The following WDR20 variants were observed in gnomAD, a reference collection of about 807,000 sequenced individuals.
WDR20 encodes WD repeat-containing protein 20.
WDR20 carries 3 observed loss-of-function variants against 38.7 expected under a neutral mutation model. The observed-to-expected ratio is 0.08, with a 90% CI of 0.04 to 0.20. WDR20 has a LOEUF of 0.20. Ranked by LOEUF, WDR20 falls within the 10% of genes least tolerant of loss-of-function variation. WDR20 has a pLI of 1.00. For missense variants in WDR20, 559 were observed against 727.7 expected (o/e 0.77, Z 2.67); for synonymous variants, 298 against 285.6 (o/e 1.04, Z -0.44).
Position 102,203,221 on chromosome 14 carries a change from C to T in WDR20, c.433-5382C>T, listed in dbSNP as rs190896335. 1.2e-3 allele frequency among the ~76,000 whole-genome samples: 184 copies of T among 152,140 alleles called. 1 individual carries two copies. The highest frequency in any genetic ancestry group is 4.2e-3 in the African/African-American group (173 of 41,494). On this transcript the variant is annotated intron_variant, in intron 2 of 2. Transcript: ENST00000342702. ...CCCAGTAGAAATACAGTGCCAGCCA[C>T]GTGTGCAAGTTTAAATTTTCTAATT...
intron 1 of WDR20, among the ~76,000 whole-genome samples, chr14:102,171,161 A>T (rs2060727533): frequency 6.6e-6 from 1 of 150,798 alleles, no homozygotes; most frequent in Admixed American, 6.6e-5. Flanking sequence ...CATGTTGGTC[A>T]GGCTGGTCTC....
chr14:102,183,339 T>C (rs2063812622), intron 1 of WDR20, among the ~76,000 whole-genome samples: 1 of 152,230 alleles, frequency 6.6e-6, no homozygotes, highest in Non-Finnish European at 1.5e-5. Flanking sequence ...AGAAGCCAAG[T>C]CAAGCATTTT....
In WDR20 at chr14:102,208,702, A is replaced by C; in HGVS notation, c.532A>C (p.Asn178His). ...AHSSGNMYLY[N>H]VEHTCGTTAP... is the part of the protein sequence containing the mutation. Reference sequence around the variant, plus strand: ...CTCGAGTGGGAACATGTACTTATATAATGTGGAGCACACTTGTGGCACCAC... The same window carrying C: ...CTCGAGTGGGAACATGTACTTATATCATGTGGAGCACACTTGTGGCACCAC... Residue 178 changes from asparagine to histidine, a missense_variant, in exon 3 of 3, where the codon AAT becomes CAT. By Grantham distance (68) the Asn-to-His change is moderately conservative. Coordinates refer to ENST00000342702, the MANE Select transcript of WDR20 (RefSeq NM_144574.4). The surrounding 1 kb of genome is among the most constrained non-coding windows in gnomAD (Gnocchi z 5.6). 6.2e-7 allele frequency: 1 copy of C among 1,614,198 alleles called. No individual in the cohort carries two copies. Among genetic ancestry groups the C allele is most frequent in the East Asian group, 2.2e-5 (1 of 44,884 alleles).
chr14:102,209,613 T>A lies in WDR20; in HGVS notation c.1443T>A (p.Asn481Lys). 6.2e-7 allele frequency: 1 copy of A among 1,614,076 alleles called. No homozygotes were observed. The highest frequency in any genetic ancestry group is 8.5e-7 in the Non-Finnish European group (1 of 1,180,018). ...ACCACGAGAAAGATCACAAGCGAAATCATAGCATGGGACACATTTCTAGCA... is the reference window on the plus strand; with the variant it reads ...ACCACGAGAAAGATCACAAGCGAAAACATAGCATGGGACACATTTCTAGCA... ...ERHHEKDHKR[N>K]HSMGHISSKS... Residue 481 changes from asparagine (N) to lysine (K), a missense_variant, in exon 3 of 3, where the codon AAT (asparagine) becomes AAA (lysine). By Grantham distance (94) the Asn-to-Lys change is moderately conservative. Coordinates refer to ENST00000342702, the MANE Select transcript of WDR20 (RefSeq NM_144574.4). This position sits in a 1 kb window ranked among gnomAD's most constrained non-coding sequence, Gnocchi z 6.0.
At chr14:102,140,243 G>T (rs1432164488) in intron 1 of WDR20, 71 bp downstream of exon 1, 1 of 1,581,932 alleles carries the variant, frequency 6.3e-7, no homozygotes. Flanking sequence ...GGTGACAGTG[G>T]GGCCAGGGTG....
chr14:102,159,616 T>C (rs1428185093), intron 1 of WDR20, among the ~76,000 whole-genome samples: 1 of 152,252 alleles, frequency 6.6e-6, no homozygotes, highest in East Asian at 1.9e-4. Flanking sequence ...GGCAGATTGC[T>C]TTATCTCAGG....
At chr14:102,146,007 TGGA>T (rs1397373193) in intron 1 of WDR20, among the ~76,000 whole-genome samples, 5 of 150,424 alleles carry the variant, frequency 3.3e-5, no homozygotes, top group African/African-American at 1.0e-4. Context: ...TTTTTTTAAA[TGGA>T]AATGGATTCA....
chr14:102,196,602 AG>A (rs1347148332), intron 2 of WDR20, among the ~76,000 whole-genome samples: 1 of 152,152 alleles, frequency 6.6e-6, no homozygotes, highest in African/African-American at 2.4e-5. Context: ...GCCCTGGCCG[AG>A]GATGGTACAG....
upstream of WDR20, chr14:102,139,678 G>T (rs972165511): frequency 5.1e-5 from 34 of 660,860 alleles, no homozygotes; most frequent in Admixed American, 2.7e-4. Context: ...CCGCCCGGAG[G>T]CCACACCCGG....
chr14:102,155,506 G>A (rs1214319722), intron 1 of WDR20, among the ~76,000 whole-genome samples: 2 of 152,134 alleles, frequency 1.3e-5, no homozygotes, highest in African/African-American at 4.8e-5. Flanking sequence ...AGAGACTCTG[G>A]GGAGAAGGGA....
intron 1 of WDR20, among the ~76,000 whole-genome samples, chr14:102,188,984 G>A (rs1314758975): frequency 1.3e-5 from 2 of 151,922 alleles, no homozygotes; most frequent in Non-Finnish European, 1.5e-5. Flanking sequence ...GGCCAAGGCA[G>A]GCAGATCACT....
At chr14:102,189,730 G>GA (rs967797936) in intron 1 of WDR20, among the ~76,000 whole-genome samples, 15 of 152,158 alleles carry the variant, frequency 9.9e-5, no homozygotes, top group Admixed American at 7.2e-4. Flanking sequence ...TCAGAAAGCT[G>GA]AAAAAAACTA....
chr14:102,206,622 C>T (rs1295812614), intron 2 of WDR20, among the ~76,000 whole-genome samples: 1 of 152,234 alleles, frequency 6.6e-6, no homozygotes, highest in Admixed American at 6.5e-5. Context: ...TTGGGAGCCA[C>T]TGTACCAAAA....
chr14:102,149,350 T>C (rs186800084), intron 1 of WDR20, among the ~76,000 whole-genome samples: 4 of 152,156 alleles, frequency 2.6e-5, no homozygotes, highest in Admixed American at 6.5e-5. Context: ...TTTATCATTA[T>C]AATACAAAGT....
intron 2 of WDR20, among the ~76,000 whole-genome samples, chr14:102,206,438 C>T (rs2061552057): frequency 6.6e-6 from 1 of 152,206 alleles, no homozygotes; most frequent in African/African-American, 2.4e-5. Context: ...TTTGAGTTCT[C>T]ATGCAGTTTT....
At chr14:102,202,599 C>CA (rs910395836) in intron 2 of WDR20, among the ~76,000 whole-genome samples, 1 of 151,928 alleles carries the variant, frequency 6.6e-6, no homozygotes, top group African/African-American at 2.4e-5. Flanking sequence ...CCAGGATGGT[C>CA]TCGATCTCCT....
At chr14:102,210,533 T>C (rs2062344366), downstream of WDR20, 1 of 985,274 alleles carries the variant, frequency 1.0e-6, no homozygotes, top group South Asian at 4.7e-5. Flanking sequence ...AAGAAGCAGT[T>C]TGTAGCACTT....
At chr14:102,174,410 T>A (rs1178026902) in intron 1 of WDR20, among the ~76,000 whole-genome samples, 1 of 151,990 alleles carries the variant, frequency 6.6e-6, no homozygotes, top group Non-Finnish European at 1.5e-5. Context: ...CATCTGTTAT[T>A]TTTATTTATT....
chr14:102,197,855 C>G (rs1385315445), intron 2 of WDR20: 2 of 700,276 alleles, frequency 2.9e-6, no homozygotes, highest in East Asian at 2.7e-5. Context: ...CAGGTGAGAG[C>G]TGAGGGCTTG....
Sources: allele counts gnomAD v4.1 joint callset (sites outside exome capture counted in the v4.1 genomes callset), GRCh38; gene constraint gnomAD v4.1.1; non-coding constraint Gnocchi (gnomAD v3.1); transcripts MANE v1.5; gene names NCBI Gene and HGNC (gene_info 2026-07-23, HGNC 2026-07-21).